Variants in MBTPS2 observed in about 807,000 individuals in gnomAD.
The protein encoded by MBTPS2 is membrane bound transcription factor peptidase, site 2.
A neutral mutation model predicts 35.4 loss-of-function variants in MBTPS2; 2 were observed. The ratio of observed to expected loss-of-function variants is 0.06; its 90% CI spans 0.02 to 0.18. MBTPS2 has a LOEUF of 0.18. MBTPS2 is among the 10% of genes least tolerant of loss of function. The probability of loss-of-function intolerance (pLI) is 1.00; values close to 1 mark genes in which losing one functional copy is unlikely to be tolerated. For synonymous variants in MBTPS2, 125 were observed against 140.4 expected (o/e 0.89, Z 0.77); for missense variants, 244 against 386.5 (o/e 0.63, Z 3.09).
intron 5 of MBTPS2, chrX:21,856,264 G>A (rs1231293591): frequency 2.6e-5 from 11 of 421,237 alleles, no homozygotes; most frequent in Non-Finnish European, 4.4e-5. Flanking sequence ...CTTCCGGCTC[G>A]TGCTTTCCTC....
chrX:21,843,783 A>G (rs5951473), intron 2 of MBTPS2, among the ~76,000 whole-genome samples: 1,159 of 111,733 alleles, frequency 0.01, 17 homozygotes, highest in African/African-American at 0.036. Flanking sequence ...AAAATATACA[A>G]TAGAGAAAAT....
At chrX:21,843,341 T>C (rs779276712) in intron 2 of MBTPS2, 23 bp downstream of exon 2, 3 of 1,191,257 alleles carry the variant, frequency 2.5e-6, no homozygotes, top group Non-Finnish European at 3.4e-6. Flanking sequence ...TTCTTTTGTT[T>C]GGTTTAGGTT....
intron 5 of MBTPS2, chrX:21,857,939 A>T (rs2092925695): frequency 5.9e-6 from 1 of 169,741 alleles, no homozygotes; most frequent in African/African-American, 3.0e-5. Context: ...CATTCTTAGA[A>T]ATAGGAAGTT....
chrX:21,868,094 AAG>A (rs1337702824), intron 5 of MBTPS2, among the ~76,000 whole-genome samples: 1 of 111,680 alleles, frequency 9.0e-6, no homozygotes, highest in Non-Finnish European at 1.9e-5. Flanking sequence ...CCTGTTTAGC[AAG>A]AGTTTTTTTT....
chrX:21,859,281 T>G (rs1336564043), intron 5 of MBTPS2, among the ~76,000 whole-genome samples: 6 of 105,420 alleles, frequency 5.7e-5, no homozygotes, highest in Non-Finnish European at 7.8e-5. Flanking sequence ...TGGGAAAGAT[T>G]TACTTTAAAA....
At chrX:21,879,768 T>C (rs2092956964) in intron 9 of MBTPS2, among the ~76,000 whole-genome samples, 2 of 110,342 alleles carry the variant, frequency 1.8e-5, no homozygotes, top group African/African-American at 6.6e-5. Context: ...TGTCATTTCA[T>C]ATAAATGGAA....
intron 5 of MBTPS2, among the ~76,000 whole-genome samples, chrX:21,859,984 C>T (rs1393464520): frequency 9.2e-6 from 1 of 109,179 alleles, no homozygotes; most frequent in East Asian, 2.9e-4. Context: ...CCTAGCTACT[C>T]AGGAGGCTGA....
At chrX:21,842,250 C>T (rs958226270) in intron 1 of MBTPS2, among the ~76,000 whole-genome samples, 8 of 111,635 alleles carry the variant, frequency 7.2e-5, no homozygotes, top group African/African-American at 2.3e-4. Flanking sequence ...CTTGTTGGGG[C>T]TGTGTATAAG....
At chrX:21,850,587 G>A (rs2092913767) in intron 3 of MBTPS2, among the ~76,000 whole-genome samples, 1 of 111,179 alleles carries the variant, frequency 9.0e-6, no homozygotes, top group Admixed American at 9.6e-5. Flanking sequence ...TATGTAAATG[G>A]TATTCCTGAG....
chrX:21,867,115 A>G (rs1024066849), intron 5 of MBTPS2, among the ~76,000 whole-genome samples: 1 of 111,970 alleles, frequency 8.9e-6, no homozygotes, highest in Non-Finnish European at 1.9e-5. Flanking sequence ...GGATAAGGGG[A>G]GAATAACCAA....
chrX:21,873,633 C>T (rs2092949646), intron 7 of MBTPS2, among the ~76,000 whole-genome samples: 1 of 111,131 alleles, frequency 9.0e-6, no homozygotes, highest in Admixed American at 9.6e-5. Context: ...GCTGTGAGCC[C>T]AGACTCAGGC....
chrX:21,865,246 T>A (rs1385852919), intron 5 of MBTPS2, among the ~76,000 whole-genome samples: 1 of 110,719 alleles, frequency 9.0e-6, no homozygotes, highest in Non-Finnish European at 1.9e-5. Flanking sequence ...AAAAAGCCAC[T>A]AAACATCTGT....
intron 5 of MBTPS2, among the ~76,000 whole-genome samples, chrX:21,861,877 T>G (rs2092931844): frequency 8.9e-6 from 1 of 112,359 alleles, no homozygotes; most frequent in South Asian, 3.7e-4. Flanking sequence ...ACTTTAAAAA[T>G]TTTAAAAGGA....
chrX:21,882,855 A>C lies in MBTPS2; in HGVS notation c.*200A>C. On this transcript the variant is annotated 3_prime_UTR_variant, in exon 11 of 11. Coordinates refer to ENST00000379484, the MANE Select transcript of MBTPS2 (RefSeq NM_015884.4). ...GATAAGCAGAAGAAATGAAAGGCATAGTCCCTGACTATATTCTAATTTAGG... is the reference window on the plus strand; with the variant it reads ...GATAAGCAGAAGAAATGAAAGGCATCGTCCCTGACTATATTCTAATTTAGG... 9.2e-7 allele frequency: 1 copy of C among 1,085,358 alleles called. No homozygotes were observed. Among genetic ancestry groups the C allele is most frequent in the Non-Finnish European group, 1.2e-6 (1 of 837,907 alleles). The allele number at this position is 1,085,358 out of a possible 1,213,427, so 89.4% of individuals were successfully genotyped here.
intron 8 of MBTPS2, 102 bp from the exon 9 acceptor site, chrX:21,878,395 C>A: frequency 1.6e-6 from 1 of 641,227 alleles, no homozygotes; most frequent in Non-Finnish European, 2.5e-6. Context: ...TTATATGAAC[C>A]TCATTCCTGA....
intron 4 of MBTPS2, 98 bp from the exon 5 acceptor site, chrX:21,853,277 GA>G (rs2092916848): frequency 1.6e-6 from 1 of 633,450 alleles, no homozygotes; most frequent in Non-Finnish European, 2.4e-6. Context: ...TTTTAAGCAA[GA>G]ATTCAAATTA....
intron 1 of MBTPS2, among the ~76,000 whole-genome samples, chrX:21,840,017 C>T (rs910270406): frequency 1.8e-5 from 2 of 111,355 alleles, no homozygotes; most frequent in Non-Finnish European, 3.8e-5. Context: ...TGTCGCAGTG[C>T]GGGGCAGTGC....
In MBTPS2 at chrX:21,884,870, A is replaced by G. The variant is rs2092963009; in HGVS notation, c.*2215A>G. On this transcript the variant is annotated 3_prime_UTR_variant, in exon 11 of 11. Transcript: ENST00000379484. ...ATATTTACTGTAAATATATGTTCAC[A>G]TAAAAAAATAACTTGGAGGGTCTTT... The G allele has an allele frequency of 2.7e-6, 2 of 730,723 alleles. No homozygotes were observed. The highest frequency in any genetic ancestry group is 7.1e-5 in the South Asian group (1 of 14,180). 60.2% of individuals were successfully genotyped at this position (730,723 alleles called of 1,213,427 possible).
At chrX:21,852,406 G>C (rs770116092) in intron 4 of MBTPS2, among the ~76,000 whole-genome samples, 5 of 111,557 alleles carry the variant, frequency 4.5e-5, no homozygotes, top group Non-Finnish European at 9.4e-5. Context: ...AGTTGTTTAT[G>C]AACAAGAGTC....
Sources: allele counts gnomAD v4.1 joint callset (sites outside exome capture counted in the v4.1 genomes callset), GRCh38; gene constraint gnomAD v4.1.1; transcripts MANE v1.5; gene names NCBI Gene and HGNC (gene_info 2026-07-23, HGNC 2026-07-21).